The following PTK2 variants were observed in gnomAD, a reference collection of about 807,000 sequenced individuals.
PTK2 encodes the protein protein tyrosine kinase 2.
A neutral mutation model predicts 150.1 loss-of-function variants in PTK2; 45 were observed. That is an observed-to-expected ratio of 0.30 (90% confidence interval 0.24 to 0.38). PTK2 has a LOEUF of 0.38. Among genes scored for constraint, PTK2 ranks in the 10% least tolerant of loss-of-function variants. The pLI is 1.00. For synonymous variants in PTK2, 432 were observed against 449.2 expected (o/e 0.96, Z 0.48); for missense variants, 919 against 1,307.3 (o/e 0.70, Z 4.58).
intron 1 of PTK2, among the ~76,000 whole-genome samples, chr8:140,973,210 C>T (rs2100188004): frequency 6.6e-6 from 1 of 152,168 alleles, no homozygotes; most frequent in South Asian, 2.1e-4. Context: ...AAAAGTTTGG[C>T]CCTTTGCCCA....
chr8:140,832,574 C>A (rs1176135997), intron 7 of PTK2, among the ~76,000 whole-genome samples: 1 of 152,128 alleles, frequency 6.6e-6, no homozygotes, highest in Non-Finnish European at 1.5e-5. Context: ...AGCTTCTGGT[C>A]CACATGCCCT....
intron 22 of PTK2, among the ~76,000 whole-genome samples, chr8:140,726,026 G>T (rs1254266500): frequency 1.3e-5 from 2 of 152,024 alleles, no homozygotes; most frequent in South Asian, 2.1e-4. Flanking sequence ...TGTCAGCAGA[G>T]AAACAGAATA....
intron 1 of PTK2, among the ~76,000 whole-genome samples, chr8:140,989,553 A>T (rs1002867442): frequency 6.6e-6 from 1 of 152,034 alleles, no homozygotes; most frequent in Non-Finnish European, 1.5e-5. Context: ...AGAAGACCTA[A>T]TAGAAAAATA....
chr8:140,701,769 T>TA (rs35105624), intron 25 of PTK2, among the ~76,000 whole-genome samples: 4 of 152,066 alleles, frequency 2.6e-5, no homozygotes, highest in Non-Finnish European at 5.9e-5. Flanking sequence ...TTCTTTTAGT[T>TA]AAAAAAAGTT....
At chr8:140,842,144 G>A (rs1383629986) in intron 7 of PTK2, among the ~76,000 whole-genome samples, 1 of 152,006 alleles carries the variant, frequency 6.6e-6, no homozygotes, top group African/African-American at 2.4e-5. Flanking sequence ...AGAGCTATAA[G>A]GATATTTATT....
At chr8:140,740,918 A>G (rs764425418) in intron 20 of PTK2, among the ~76,000 whole-genome samples, 149 of 149,774 alleles carry the variant, frequency 9.9e-4, no homozygotes, top group Non-Finnish European at 1.9e-3. Context: ...CAAGGTGGGA[A>G]GATCGCTTGA....
At chr8:140,819,295 C>T (rs994571877) in intron 8 of PTK2, among the ~76,000 whole-genome samples, 2 of 152,038 alleles carry the variant, frequency 1.3e-5, no homozygotes, top group East Asian at 3.8e-4. Flanking sequence ...GAAGTTTGTA[C>T]TATATGTGCA....
At chr8:140,829,329 A>C (rs2100113890) in intron 8 of PTK2, among the ~76,000 whole-genome samples, 1 of 152,202 alleles carries the variant, frequency 6.6e-6, no homozygotes, top group African/African-American at 2.4e-5. Flanking sequence ...TAATCCTTAC[A>C]GTCCTATTCT....
chr8:140,718,442 G>C (rs1192805645), intron 22 of PTK2: 1 of 152,198 alleles, frequency 6.6e-6, no homozygotes, highest in African/African-American at 2.4e-5. Flanking sequence ...TGCAGCCAAA[G>C]CGAGACTTTG....
rs535876347 is a variant in PTK2, at chr8:140,896,972, A to G, written c.-32-6203T>C. Among the ~76,000 whole-genome samples the G allele has an allele frequency of 7.2e-5, 11 of 152,364 alleles. No individual in the cohort carries two copies. In the East Asian group the frequency reaches 1.2e-3, roughly 16 times the overall value. On this transcript the variant is annotated intron_variant, in intron 2 of 31. Coordinates refer to ENST00000522684, the Ensembl canonical transcript of PTK2. ...AAGACTGCTGGATAGTAAAACAACA[A>G]CTATACTTCTGATCATTTTAGCTAA... is the stretch of plus-strand genomic sequence containing the variant.
intron 1 of PTK2, among the ~76,000 whole-genome samples, chr8:140,940,909 G>T (rs1035545313): frequency 1.3e-5 from 2 of 152,090 alleles, no homozygotes; most frequent in Non-Finnish European, 2.9e-5. Context: ...GGCAGTGGTT[G>T]CAGTGAGCTG....
intron 20 of PTK2, among the ~76,000 whole-genome samples, chr8:140,742,451 C>G (rs139267083): frequency 5.9e-5 from 9 of 152,306 alleles, no homozygotes; most frequent in African/African-American, 1.9e-4. Flanking sequence ...AAAGAATTTG[C>G]CAAACTTTCT....
At chr8:140,920,803 G>C in intron 2 of PTK2, 1 of 1,477,604 alleles carries the variant, frequency 6.8e-7, no homozygotes, top group African/African-American at 1.5e-5. Flanking sequence ...ATATTTTTAA[G>C]TTATTTATAC....
chr8:140,994,994 G>C (rs2100197070), intron 1 of PTK2, among the ~76,000 whole-genome samples: 1 of 150,450 alleles, frequency 6.6e-6, no homozygotes, highest in Non-Finnish European at 1.5e-5. Flanking sequence ...TGAGTCAGGA[G>C]AATCGCCTGA....
chr8:140,914,543 AC>A (rs2100164424), intron 2 of PTK2, among the ~76,000 whole-genome samples: 2 of 151,160 alleles, frequency 1.3e-5, no homozygotes, highest in South Asian at 4.2e-4. Flanking sequence ...TAAGCCTAGC[AC>A]CCAAGAGTTT....
chr8:140,677,590 T>C (rs1211662258), intron 27 of PTK2, among the ~76,000 whole-genome samples: 1 of 152,246 alleles, frequency 6.6e-6, no homozygotes, highest in Non-Finnish European at 1.5e-5. Context: ...CTTTACTTTC[T>C]ATTGAAAAGA....
At chr8:140,953,510 A>C (rs2100180187) in intron 1 of PTK2, among the ~76,000 whole-genome samples, 1 of 152,216 alleles carries the variant, frequency 6.6e-6, no homozygotes, top group Non-Finnish European at 1.5e-5. Context: ...GATATGCTGG[A>C]CAAAGGGACA....
chr8:140,901,354 G>A (rs1360950507), intron 2 of PTK2, among the ~76,000 whole-genome samples: 1 of 152,106 alleles, frequency 6.6e-6, no homozygotes, highest in Admixed American at 6.6e-5. Flanking sequence ...TCTGGACACT[G>A]ATCTCGACAA....
chr8:140,928,161 T>C (rs989250249), intron 1 of PTK2, among the ~76,000 whole-genome samples: 4 of 151,842 alleles, frequency 2.6e-5, no homozygotes, highest in Non-Finnish European at 5.9e-5. Flanking sequence ...TTTGTCATGC[T>C]GGCATGAATG....
Sources: allele counts gnomAD v4.1 joint callset (sites outside exome capture counted in the v4.1 genomes callset), GRCh38; gene constraint gnomAD v4.1.1; transcripts MANE v1.5; gene names NCBI Gene and HGNC (gene_info 2026-07-23, HGNC 2026-07-21).